Variants in RBFOX2 observed in about 807,000 individuals in gnomAD.
RBFOX2 encodes the protein RNA binding protein fox-1 homolog 2.
RBFOX2 carries 10 observed loss-of-function variants against 49.1 expected under a neutral mutation model. The observed-to-expected ratio is 0.20, with a 90% confidence interval of 0.13 to 0.35. The LOEUF (loss-of-function observed/expected upper bound fraction) is 0.35, where lower values mean the gene tolerates loss of function less well. Ranked by LOEUF, RBFOX2 falls within the 10% of genes least tolerant of loss-of-function variation. The pLI, the probability that RBFOX2 is intolerant of heterozygous loss-of-function variation, is 1.00. For synonymous variants in RBFOX2, 183 were observed against 187.4 expected (o/e 0.98, Z 0.19); for missense variants, 323 against 486.9 (o/e 0.66, Z 3.17).
chr22:35,813,856 T>A (rs948116278), intron 1 of RBFOX2, among the ~76,000 whole-genome samples: 1 of 152,060 alleles, frequency 6.6e-6, no homozygotes, highest in South Asian at 2.1e-4. Context: ...TAACACAGAG[T>A]GAAACAAGTG....
intron 1 of RBFOX2, among the ~76,000 whole-genome samples, chr22:35,986,772 T>C (rs576463579): frequency 8.5e-5 from 13 of 152,258 alleles, no homozygotes; most frequent in African/African-American, 3.1e-4. Context: ...TTATCAACAT[T>C]AACTATCTTC....
In RBFOX2 at chr22:35,897,339, A is replaced by G. The variant is rs1056336113; in HGVS notation, c.-34+41508T>C. ...CCAGCAGTAAGTGTGATGAAGCCGCAGCACCTCAATGGCCTTGAGTTCCAG... is the reference window on the plus strand; with the variant it reads ...CCAGCAGTAAGTGTGATGAAGCCGCGGCACCTCAATGGCCTTGAGTTCCAG... On this transcript the variant is annotated intron_variant, in intron 1 of 13. Transcript: ENST00000359369. The G allele has an allele frequency of 1.1e-5, 15 of 1,389,470 alleles. No individual in the cohort carries two copies. The Admixed American group carries it at 2.0e-4, about 19-fold the overall frequency. 86.1% of individuals were successfully genotyped at this position (1,389,470 alleles called of 1,614,324 possible). A position where few individuals can be genotyped will look rare whatever the true frequency, so the allele number is the denominator to read the frequency against.
intron 6 of RBFOX2, among the ~76,000 whole-genome samples, chr22:35,763,418 C>T (rs930353559): frequency 6.6e-6 from 1 of 152,014 alleles, no homozygotes; most frequent in African/African-American, 2.4e-5. Flanking sequence ...AAAAATTAGC[C>T]GGATGTGGTG....
rs116105880 is a variant in RBFOX2, at chr22:35,837,427, T to C, written c.27+2765A>G. Among the ~76,000 whole-genome samples the C allele has an allele frequency of 2.7e-3, 408 of 152,234 alleles. 4 individuals carry two copies. The highest frequency in any genetic ancestry group is 9.3e-3 in the African/African-American group (388 of 41,528). ...GGCCTAACCACCAGTATAGACATTC[T>C]ATATTGAGAAAGCTTATGTGACAGG... On this transcript the variant is annotated intron_variant, in intron 1 of 11. Coordinates refer to ENST00000405409, the Ensembl canonical transcript of RBFOX2.
chr22:35,970,495 A>AAC (rs58785117), intron 1 of RBFOX2, among the ~76,000 whole-genome samples: 2 of 115,030 alleles, frequency 1.7e-5, no homozygotes, highest in African/African-American at 1.2e-4. Context: ...AAAAAAAAAA[A>AAC]CACACACACT....
Position 35,912,241 on chromosome 22 carries a change from G to A in RBFOX2, c.-34+26606C>T, listed in dbSNP as rs116697681. ...CTGGGAAAGCCCAACATAAAGTGTGGCAGAGCTAAATCACAAGCAACTCCT... is the reference window on the plus strand; with the variant it reads ...CTGGGAAAGCCCAACATAAAGTGTGACAGAGCTAAATCACAAGCAACTCCT... On this transcript the variant is annotated intron_variant, in intron 1 of 13. Coordinates refer to the RBFOX2 transcript ENST00000359369. Among the ~76,000 whole-genome samples, 707 of 152,312 alleles carry A rather than the reference G, an allele frequency of 4.6e-3. 3 individuals carry two copies. Among genetic ancestry groups the A allele is most frequent in the African/African-American group, 0.016 (676 of 41,570 alleles).
intron 1 of RBFOX2, among the ~76,000 whole-genome samples, chr22:35,912,618 C>A (rs746339081): frequency 6.6e-6 from 1 of 152,068 alleles, no homozygotes; most frequent in Admixed American, 6.6e-5. Context: ...GTAAAAGTCA[C>A]CTGATTGTAA....
At chr22:35,914,337 A>C (rs539819137) in intron 1 of RBFOX2, among the ~76,000 whole-genome samples, 1 of 152,340 alleles carries the variant, frequency 6.6e-6, no homozygotes, top group South Asian at 2.1e-4. Flanking sequence ...TTTCCCCTAA[A>C]CCTCAAGGCT....
In RBFOX2 at chr22:36,019,891, A is replaced by C. The variant is rs918086880; in HGVS notation, c.186+8349T>G. Among the ~76,000 whole-genome samples, 7 of 152,308 alleles carry C rather than the reference A, an allele frequency of 4.6e-5. 1 individual carries two copies. Among genetic ancestry groups the C allele is most frequent in the African/African-American group, 1.7e-4 (7 of 41,558 alleles). ...TGACTTTCTTCACAGAATTGGAAAA[A>C]ACTACTTTGAAGTTCATATAGAACC... On this transcript the variant is annotated intron_variant, in intron 1 of 13. Transcript: ENST00000438146.
At chr22:35,895,689 C>T (rs371648102) in intron 1 of RBFOX2, among the ~76,000 whole-genome samples, 77 of 152,212 alleles carry the variant, frequency 5.1e-4, no homozygotes, top group African/African-American at 1.3e-3. Flanking sequence ...ACCACGCAGA[C>T]GGGCTAAGGT....
chr22:36,028,782 T>G (rs1011863397), exon 1 of RBFOX2, among the ~76,000 whole-genome samples: 1 of 151,188 alleles, frequency 6.6e-6, no homozygotes, highest in Non-Finnish European at 1.5e-5. Flanking sequence ...TGGCTCACAC[T>G]CTCCCTCACA....
intron 2 of RBFOX2, among the ~76,000 whole-genome samples, chr22:35,795,996 T>G (rs538833269): frequency 1.5e-4 from 23 of 152,276 alleles, no homozygotes; most frequent in African/African-American, 4.6e-4. Context: ...TTAAAAAAAC[T>G]TCTTAATTTT....
chr22:35,948,898 C>A (rs1001848482), intron 1 of RBFOX2, among the ~76,000 whole-genome samples: 2 of 151,864 alleles, frequency 1.3e-5, no homozygotes, highest in African/African-American at 4.8e-5. Flanking sequence ...GTTGTGCAAC[C>A]ACCTCCATCC....
intron 2 of RBFOX2, among the ~76,000 whole-genome samples, chr22:35,793,697 T>G (rs1384449740): frequency 6.6e-6 from 1 of 152,214 alleles, no homozygotes; most frequent in Non-Finnish European, 1.5e-5. Flanking sequence ...TTAAGAATAA[T>G]TACTTTTAGA....
chr22:35,801,056 C>T (rs1211088342), intron 2 of RBFOX2, among the ~76,000 whole-genome samples: 5 of 152,040 alleles, frequency 3.3e-5, no homozygotes, highest in African/African-American at 4.8e-5. Flanking sequence ...TATGGGGAGT[C>T]GGAGTGGTAG....
At chr22:36,019,932 T>C (rs1294621511) in intron 1 of RBFOX2, among the ~76,000 whole-genome samples, 2 of 152,146 alleles carry the variant, frequency 1.3e-5, no homozygotes, top group African/African-American at 4.8e-5. Context: ...AGAGCCCACA[T>C]TGCCAAGACA....
At chr22:36,028,248 C>T in exon 1 of RBFOX2, 1 of 1,527,222 alleles carries the variant, frequency 6.5e-7, no homozygotes, top group Middle Eastern at 2.3e-4. Flanking sequence ...ACCTGCATCC[C>T]GCCGCCACCG....
At chr22:35,796,553 T>C (rs913208221) in intron 2 of RBFOX2, among the ~76,000 whole-genome samples, 3 of 152,172 alleles carry the variant, frequency 2.0e-5, no homozygotes, top group Non-Finnish European at 4.4e-5. Context: ...TCTTTGATAA[T>C]ACATCAAAAC....
chr22:36,011,083 C>A (rs953181524), intron 1 of RBFOX2, among the ~76,000 whole-genome samples: 1 of 152,200 alleles, frequency 6.6e-6, no homozygotes, highest in Non-Finnish European at 1.5e-5. Context: ...AAGATGTCAT[C>A]ATGAATAAAA....
Sources: allele counts gnomAD v4.1 joint callset (sites outside exome capture counted in the v4.1 genomes callset), GRCh38; gene constraint gnomAD v4.1.1; transcripts MANE v1.5; gene names NCBI Gene and HGNC (gene_info 2026-07-23, HGNC 2026-07-21).